The following PRKG1 variants were observed in gnomAD, a reference collection of about 807,000 sequenced individuals.
PRKG1 encodes protein kinase cGMP-dependent 1, also known as cGMP-dependent protein kinase 1.
PRKG1 carries 35 observed loss-of-function variants against 88.1 expected under a neutral mutation model. That is an observed-to-expected ratio of 0.40 (90% CI 0.30 to 0.53). The LOEUF is 0.53. PRKG1 is among the 20% of genes least tolerant of loss of function. The pLI, the probability that PRKG1 is intolerant of heterozygous loss-of-function variation, is 0.59. For synonymous variants in PRKG1, 303 were observed against 292.5 expected (o/e 1.04, Z -0.37); for missense variants, 540 against 839.8 (o/e 0.64, Z 4.41).
chr10:51,625,867 T>A (rs1839323709), intron 3 of PRKG1, among the ~76,000 whole-genome samples: 2 of 152,188 alleles, frequency 1.3e-5, no homozygotes, highest in Admixed American at 1.3e-4. Flanking sequence ...ATAGCTTTTC[T>A]CCCAGACCAA....
At chr10:51,125,089 A>G (rs1194992563) in intron 1 of PRKG1, among the ~76,000 whole-genome samples, 3 of 152,200 alleles carry the variant, frequency 2.0e-5, no homozygotes, top group Non-Finnish European at 4.4e-5. Flanking sequence ...AGGCCAAGGC[A>G]GGTGGATTCC....
chr10:51,494,124 A>C (rs1301856756), intron 3 of PRKG1, among the ~76,000 whole-genome samples: 2 of 152,060 alleles, frequency 1.3e-5, no homozygotes, highest in African/African-American at 4.8e-5. Flanking sequence ...GCACTGGCAG[A>C]ATCATAGCTC....
At chr10:51,919,818 T>C (rs924238883) in intron 5 of PRKG1, among the ~76,000 whole-genome samples, 2 of 152,172 alleles carry the variant, frequency 1.3e-5, no homozygotes, top group Non-Finnish European at 2.9e-5. Flanking sequence ...CAGTTTTCTG[T>C]AAGTACCTAA....
At chr10:52,103,744 T>C (rs1847349539) in intron 7 of PRKG1, among the ~76,000 whole-genome samples, 1 of 151,838 alleles carries the variant, frequency 6.6e-6, no homozygotes, top group African/African-American at 2.4e-5. Flanking sequence ...ATATATGTTG[T>C]TGAGGAGAAA....
intron 3 of PRKG1, among the ~76,000 whole-genome samples, chr10:51,736,538 G>A (rs1490815287): frequency 6.6e-6 from 1 of 151,488 alleles, no homozygotes; most frequent in Non-Finnish European, 1.5e-5. Context: ...TTTTACCACT[G>A]ACATTTTACT....
At chr10:51,897,688 C>G (rs558058520) in intron 4 of PRKG1, among the ~76,000 whole-genome samples, 2 of 152,100 alleles carry the variant, frequency 1.3e-5, no homozygotes, top group Non-Finnish European at 2.9e-5. Flanking sequence ...ATTCAGTCTA[C>G]TAGGAAATCA....
At chr10:51,244,541 A>T (rs1343693944) in intron 2 of PRKG1, among the ~76,000 whole-genome samples, 1 of 151,984 alleles carries the variant, frequency 6.6e-6, no homozygotes. Flanking sequence ...AAAGAATCCA[A>T]AGGCCCCGTT....
At chr10:51,461,368 A>C (rs1393076604) in intron 2 of PRKG1, among the ~76,000 whole-genome samples, 1 of 152,220 alleles carries the variant, frequency 6.6e-6, no homozygotes, top group Non-Finnish European at 1.5e-5. Context: ...TTCTAACTAA[A>C]ATATTCTAAC....
intron 2 of PRKG1, among the ~76,000 whole-genome samples, chr10:51,255,154 G>T (rs1440024110): frequency 6.6e-6 from 1 of 151,968 alleles, no homozygotes; most frequent in Non-Finnish European, 1.5e-5. Context: ...TAAACATACA[G>T]AATTTTAAGA....
At chr10:51,473,755 A>AT (rs34322474) in intron 3 of PRKG1, among the ~76,000 whole-genome samples, 23,321 of 148,044 alleles carry the variant, frequency 0.16, 1,847 homozygotes, top group Middle Eastern at 0.26. Context: ...AGAAACACTG[A>AT]TTTTTTTTTT....
At chr10:52,041,379 T>A (rs917732948) in intron 5 of PRKG1, among the ~76,000 whole-genome samples, 1 of 152,198 alleles carries the variant, frequency 6.6e-6, no homozygotes, top group African/African-American at 2.4e-5. Flanking sequence ...AGTTTGCTAG[T>A]ATTTTGTGGA....
At chr10:51,937,389 T>C (rs1842819223) in intron 5 of PRKG1, among the ~76,000 whole-genome samples, 1 of 152,064 alleles carries the variant, frequency 6.6e-6, no homozygotes, top group African/African-American at 2.4e-5. Context: ...ATGTTTAACC[T>C]AATTTAATAT....
At chr10:52,208,267 A>C (rs1428338387) in intron 9 of PRKG1, among the ~76,000 whole-genome samples, 1 of 152,234 alleles carries the variant, frequency 6.6e-6, no homozygotes, top group Non-Finnish European at 1.5e-5. Context: ...TCAAGACAAA[A>C]AGGAAAACAA....
At chr10:52,222,884 G>T (rs1449009198) in intron 9 of PRKG1, among the ~76,000 whole-genome samples, 1 of 151,986 alleles carries the variant, frequency 6.6e-6, no homozygotes, top group Non-Finnish European at 1.5e-5. Context: ...ATCATCCCAG[G>T]TGTATAAAAA....
rs115911505 is a variant in PRKG1 at position 52,030,159 on chromosome 10, A to G, written c.763-24325A>G. ...TAACTCTTAAGTCTCAAGTCCTACC[A>G]TTTGCTGCCTAAATGGGCTTTAGTA... is the stretch of plus-strand genomic sequence containing the variant. On this transcript the variant is annotated intron_variant, in intron 5 of 17. Coordinates refer to ENST00000373980, the MANE Select transcript of PRKG1 (RefSeq NM_006258.4). Among the ~76,000 whole-genome samples the G allele has an allele frequency of 6.5e-3, 983 of 152,292 alleles. 13 individuals are homozygous for G. The highest frequency in any genetic ancestry group is 0.022 in the African/African-American group (927 of 41,562).
At chr10:51,957,784 A>C (rs980167921) in intron 5 of PRKG1, among the ~76,000 whole-genome samples, 3 of 152,136 alleles carry the variant, frequency 2.0e-5, no homozygotes, top group Non-Finnish European at 4.4e-5. Flanking sequence ...ATTTCTTTTC[A>C]TCCAATGAAA....
intron 2 of PRKG1, among the ~76,000 whole-genome samples, chr10:51,325,653 T>C (rs1409933377): frequency 2.6e-5 from 4 of 152,226 alleles, no homozygotes; most frequent in African/African-American, 7.2e-5. Context: ...TTTTGTTGCT[T>C]GTGCTTTGTA....
chr10:51,362,825 G>C (rs1447464762), intron 2 of PRKG1, among the ~76,000 whole-genome samples: 2 of 151,614 alleles, frequency 1.3e-5, no homozygotes, highest in African/African-American at 4.8e-5. Flanking sequence ...TTCCTTCCCT[G>C]TGTCCATGTG....
rs577753594 is a variant in PRKG1, at chr10:52,010,970, G to A, written c.763-43514G>A. Among the ~76,000 whole-genome samples, 25 of 152,270 alleles carry A rather than the reference G, an allele frequency of 1.6e-4. No individual in the cohort carries two copies. In the East Asian group the frequency reaches 4.5e-3, roughly 27 times the overall value. On this transcript the variant is annotated intron_variant, in intron 5 of 17. Coordinates refer to ENST00000373980, the MANE Select transcript of PRKG1 (RefSeq NM_006258.4). ...TCTGGAGGTATTTAGTAACCCAAATGTTCCATATCTCCTTTACTTGATTCA... is the reference window on the plus strand; with the variant it reads ...TCTGGAGGTATTTAGTAACCCAAATATTCCATATCTCCTTTACTTGATTCA...
Sources: allele counts gnomAD v4.1 joint callset (sites outside exome capture counted in the v4.1 genomes callset), GRCh38; gene constraint gnomAD v4.1.1; transcripts MANE v1.5; gene names NCBI Gene and HGNC (gene_info 2026-07-23, HGNC 2026-07-21).